CNBD1: variants seen among roughly 807,000 people sequenced by gnomAD.
CNBD1 encodes cyclic nucleotide-binding domain-containing protein 1.
A neutral mutation model predicts 54.4 loss-of-function variants in CNBD1; 71 were observed. The ratio of observed to expected loss-of-function variants is 1.30; its 90% CI spans 1.08 to 1.59. The LOEUF (loss-of-function observed/expected upper bound fraction) is 1.59. Among genes scored for constraint, CNBD1 ranks in the 40% most tolerant of loss-of-function variants. The pLI is 0.00. For missense variants in CNBD1, 659 were observed against 518.0 expected (o/e 1.27, Z -2.64); for synonymous variants, 182 against 170.7 (o/e 1.07, Z -0.51).
intron 4 of CNBD1, among the ~76,000 whole-genome samples, chr8:87,114,863 G>A (rs1027062967): frequency 2.6e-5 from 4 of 152,072 alleles, no homozygotes; most frequent in East Asian, 1.9e-4. Context: ...ACATGTTCAC[G>A]TTCATCAGGG....
intron 3 of CNBD1, among the ~76,000 whole-genome samples, chr8:86,925,864 T>C (rs1809351888): frequency 6.6e-6 from 1 of 151,694 alleles, no homozygotes; most frequent in Non-Finnish European, 1.5e-5. Flanking sequence ...TGGCAGTGAG[T>C]GTTACAGCTC....
At chr8:87,015,977 C>CAAAAAAAAAAA (rs58453987) in intron 4 of CNBD1, among the ~76,000 whole-genome samples, 2 of 55,956 alleles carry the variant, frequency 3.6e-5, no homozygotes, top group African/African-American at 1.4e-4. Flanking sequence ...GAATCCGTCT[C>CAAAAAAAAAAA]AAAAAAAAAA....
intron 5 of CNBD1, among the ~76,000 whole-genome samples, chr8:87,211,468 T>C (rs1367333505): frequency 6.6e-6 from 1 of 152,074 alleles, no homozygotes; most frequent in African/African-American, 2.4e-5. Context: ...AAATCTCATG[T>C]TGAGATATAA....
intron 6 of CNBD1, among the ~76,000 whole-genome samples, chr8:87,255,075 T>C (rs1477292609): frequency 6.6e-6 from 1 of 152,172 alleles, no homozygotes; most frequent in Non-Finnish European, 1.5e-5. Flanking sequence ...CATAATGATG[T>C]AATGATATTC....
chr8:86,994,084 C>T (rs187759352), intron 4 of CNBD1, among the ~76,000 whole-genome samples: 2 of 152,326 alleles, frequency 1.3e-5, no homozygotes, highest in Non-Finnish European at 2.9e-5. Context: ...CATGTTTCAT[C>T]CCTCTCAGTA....
intron 4 of CNBD1, among the ~76,000 whole-genome samples, chr8:87,046,137 G>A (rs1023382468): frequency 2.0e-4 from 31 of 151,724 alleles, no homozygotes; most frequent in Non-Finnish European, 1.0e-4. Context: ...TTACCACTGC[G>A]GCTAGAGAGT....
At chr8:87,003,377 T>A (rs149322761) in intron 4 of CNBD1, among the ~76,000 whole-genome samples, 477 of 152,302 alleles carry the variant, frequency 3.1e-3, no homozygotes, top group African/African-American at 0.011. Context: ...ACTTGTTATT[T>A]CATCATGATG....
chr8:86,966,889 C>T (rs1240206532), intron 4 of CNBD1, among the ~76,000 whole-genome samples: 1 of 152,150 alleles, frequency 6.6e-6, no homozygotes, highest in Non-Finnish European at 1.5e-5. Flanking sequence ...CTTTTATTCC[C>T]TTATTTGGCC....
At chr8:87,178,299 T>G (rs1415595557) in intron 4 of CNBD1, among the ~76,000 whole-genome samples, 1 of 152,208 alleles carries the variant, frequency 6.6e-6, no homozygotes, top group Non-Finnish European at 1.5e-5. Context: ...ATAATTCAGT[T>G]GTATTTAGAA....
chr8:87,302,375 C>A (rs1207145090), intron 8 of CNBD1, among the ~76,000 whole-genome samples: 2 of 152,024 alleles, frequency 1.3e-5, no homozygotes, highest in Non-Finnish European at 2.9e-5. Flanking sequence ...GAAACAGAAC[C>A]AATTACAAAA....
At chr8:87,338,010 A>T (rs1809984545) in intron 8 of CNBD1, among the ~76,000 whole-genome samples, 1 of 152,008 alleles carries the variant, frequency 6.6e-6, no homozygotes, top group Non-Finnish European at 1.5e-5. Context: ...TAATTTTATT[A>T]TTTTATATGA....
intron 4 of CNBD1, among the ~76,000 whole-genome samples, chr8:87,017,503 A>G (rs1809385411): frequency 6.6e-6 from 1 of 152,234 alleles, no homozygotes; most frequent in African/African-American, 2.4e-5. Context: ...CTATCCCTAT[A>G]TTAATGGAAG....
intron 4 of CNBD1, among the ~76,000 whole-genome samples, chr8:87,066,854 A>T (rs73693011): frequency 0.012 from 1,891 of 151,984 alleles, 36 homozygotes; most frequent in African/African-American, 0.042. Flanking sequence ...ATTTATTTTA[A>T]TTTTACTTCC....
At chr8:86,924,816 G>T (rs924049986) in intron 3 of CNBD1, among the ~76,000 whole-genome samples, 2 of 152,036 alleles carry the variant, frequency 1.3e-5, no homozygotes, top group Non-Finnish European at 2.9e-5. Flanking sequence ...AATCTGTATC[G>T]TAATAATCAT....
intron 5 of CNBD1, among the ~76,000 whole-genome samples, chr8:87,214,914 A>G (rs1401061102): frequency 6.6e-6 from 1 of 152,198 alleles, no homozygotes; most frequent in Non-Finnish European, 1.5e-5. Flanking sequence ...TATGGGAGCT[A>G]CAATTCAAGA....
At position 87,337,763 on chromosome 8, in the gene CNBD1, G is replaced by T. The variant is rs531880263; in HGVS notation, c.1043-13922G>T. On this transcript the variant is annotated intron_variant, in intron 8 of 10. Coordinates refer to ENST00000518476, the MANE Select transcript of CNBD1 (RefSeq NM_173538.3). ...CTCAGGTGAGCTGTTGCACCACAGT[G>T]TTCTTTCTTCCTCTTCGTGGATCAT... 7.0e-4 allele frequency among the ~76,000 whole-genome samples: 107 copies of T among 152,324 alleles called. 1 individual carries two copies. Among genetic ancestry groups the T allele is most frequent in the African/African-American group, 2.5e-3 (105 of 41,576 alleles).
intron 4 of CNBD1, among the ~76,000 whole-genome samples, chr8:86,948,031 C>T (rs1367643418): frequency 1.3e-5 from 2 of 152,024 alleles, no homozygotes; most frequent in Admixed American, 6.6e-5. Context: ...CTGTGCCTGG[C>T]TTATTTCATT....
At chr8:87,226,187 A>G (rs1241732298) in intron 5 of CNBD1, among the ~76,000 whole-genome samples, 1 of 151,748 alleles carries the variant, frequency 6.6e-6, no homozygotes, top group Admixed American at 6.6e-5. Flanking sequence ...CTTTCAAAAA[A>G]CCAGCTCCTG....
At chr8:87,255,942 T>C (rs1450207009) in intron 6 of CNBD1, among the ~76,000 whole-genome samples, 1 of 130,818 alleles carries the variant, frequency 7.6e-6, no homozygotes, top group Non-Finnish European at 1.6e-5. Context: ...CATATATATA[T>C]ATAAAATACT....
Sources: allele counts gnomAD v4.1 joint callset (sites outside exome capture counted in the v4.1 genomes callset), GRCh38; gene constraint gnomAD v4.1.1; transcripts MANE v1.5; gene names NCBI Gene and HGNC (gene_info 2026-07-23, HGNC 2026-07-21).